Variants in TBC1D16 observed in about 807,000 individuals in gnomAD.
The protein encoded by TBC1D16 is CTD-2529O21.1.
A neutral mutation model predicts 74.7 loss-of-function variants in TBC1D16; 58 were observed. That is an observed-to-expected ratio of 0.78 (90% CI 0.63 to 0.97). The LOEUF (loss-of-function observed/expected upper bound fraction) is 0.97, where lower values mean the gene tolerates loss of function less well. Ranked by LOEUF, TBC1D16 falls within the 50% of genes least tolerant of loss-of-function variation. TBC1D16 has a pLI of 0.00. For missense variants in TBC1D16, 1,014 were observed against 1,079.5 expected, an observed-to-expected ratio of 0.94 and a Z score of 0.85; for synonymous variants, 493 against 474.7, an observed-to-expected ratio of 1.04 and a Z score of -0.50.
At chr17:79,957,111 G>T (rs950035127) in intron 3 of TBC1D16, among the ~76,000 whole-genome samples, 1 of 152,214 alleles carries the variant, frequency 6.6e-6, no homozygotes, top group African/African-American at 2.4e-5. Flanking sequence ...TGCCCTGTAG[G>T]GTGGGTGGGA....
At chr17:79,952,447 C>T (rs145667157) in intron 4 of TBC1D16, among the ~76,000 whole-genome samples, 5 of 152,350 alleles carry the variant, frequency 3.3e-5, no homozygotes, top group East Asian at 3.9e-4. Flanking sequence ...GGAGTGAGTT[C>T]GGTAGCTCAC....
chr17:79,982,928 AATAAT>A, intron 3 of TBC1D16, among the ~76,000 whole-genome samples: 1 of 152,298 alleles, frequency 6.6e-6, no homozygotes, highest in Non-Finnish European at 1.5e-5. Context: ...TTGTAAAATA[AATAAT>A]ATGACATTGA....
intron 4 of TBC1D16, among the ~76,000 whole-genome samples, chr17:79,952,434 A>G (rs1205847882): frequency 6.6e-6 from 1 of 152,236 alleles, no homozygotes; most frequent in African/African-American, 2.4e-5. Context: ...CGCTGAAGGT[A>G]GGGGAGTGAG....
chr17:79,963,842 T>G (rs1469410767), intron 3 of TBC1D16, among the ~76,000 whole-genome samples: 1 of 152,232 alleles, frequency 6.6e-6, no homozygotes, highest in African/African-American at 2.4e-5. Context: ...TGATATTGAG[T>G]ACCTTCATGT....
chr17:80,022,530 G>GAGTTC (rs2036321236), intron 1 of TBC1D16, among the ~76,000 whole-genome samples: 1 of 149,202 alleles, frequency 6.7e-6, no homozygotes, highest in South Asian at 2.1e-4. Context: ...GTAGACACCA[G>GAGTTC]AGTTCACCAC....
intron 1 of TBC1D16, among the ~76,000 whole-genome samples, chr17:80,029,984 C>A (rs1256084738): frequency 6.6e-6 from 1 of 152,060 alleles, no homozygotes; most frequent in Non-Finnish European, 1.5e-5. Flanking sequence ...AGTGGCCGAT[C>A]GAGTCCTTCT....
chr17:80,024,952 A>ATG (rs2143266700), intron 1 of TBC1D16, among the ~76,000 whole-genome samples: 2 of 143,096 alleles, frequency 1.4e-5, no homozygotes, highest in African/African-American at 2.8e-5. Context: ...CACACCATAG[A>ATG]CACACCACAC....
At position 79,940,931 on chromosome 17, in the gene TBC1D16, A is replaced by C; in HGVS notation, c.2232T>G (p.Pro744=). ...TGCCTTCCCTCAGGGACTTGGGGGA[A>C]GGCATCTCCACCGTGCCCCCGTAGG... ...SCPYGGTVEM[P]SPKSLREGKK... The change falls in exon 12 of 12, where the codon CCT becomes CCG. Residue 744 remains proline (P), a synonymous_variant. Transcript: ENST00000310924. The surrounding 1 kb of genome is among the most constrained non-coding windows in gnomAD (Gnocchi z 5.4). 6.3e-7 allele frequency: 1 copy of C among 1,594,748 alleles called. No homozygotes were observed. The highest frequency in any genetic ancestry group is 8.6e-7 in the Non-Finnish European group (1 of 1,169,000).
chr17:79,974,156 A>G lies in TBC1D16; in HGVS notation c.780-21338T>C, dbSNP rs560918872. On this transcript the variant is annotated intron_variant, in intron 3 of 11. Coordinates refer to ENST00000310924, the MANE Select transcript of TBC1D16 (RefSeq NM_019020.4). The stretch of plus-strand genomic sequence containing the variant: ...CAGACAGCTGGCGGGATGGAGGGGG[A>G]GGGTAGGAGACTTCATTACTCTACC... Among the ~76,000 whole-genome samples the G allele has an allele frequency of 1.4e-4, 21 of 152,292 alleles. No individual in the cohort carries two copies. The South Asian group carries it at 4.4e-3, about 32-fold the overall frequency.
At chr17:79,996,867 A>G (rs1029547604) in intron 3 of TBC1D16, among the ~76,000 whole-genome samples, 42 of 152,340 alleles carry the variant, frequency 2.8e-4, no homozygotes, top group African/African-American at 9.9e-4. Flanking sequence ...TAGTAGCTTT[A>G]TTCACAGTCG....
intron 3 of TBC1D16, among the ~76,000 whole-genome samples, chr17:79,974,270 C>CG (rs1186310456): frequency 3.3e-5 from 5 of 152,064 alleles, no homozygotes; most frequent in Non-Finnish European, 5.9e-5. Flanking sequence ...GACGGAGTCT[C>CG]ATCTGTTGCC....
intron 3 of TBC1D16, among the ~76,000 whole-genome samples, chr17:79,968,958 C>T (rs2033960922): frequency 6.7e-6 from 1 of 149,916 alleles, no homozygotes; most frequent in South Asian, 2.1e-4. Context: ...TTTAAAAACA[C>T]TTAAGATGTA....
intron 6 of TBC1D16, 57 bp from the exon 7 acceptor site, chr17:79,949,922 CCAA>C: frequency 6.3e-7 from 1 of 1,576,560 alleles, no homozygotes; most frequent in Non-Finnish European, 8.6e-7. Flanking sequence ...CAAAGAACCC[CCAA>C]ATCCCCAGAG....
At position 79,963,914 on chromosome 17, in the gene TBC1D16, T is replaced by C. The variant is rs140057115; in HGVS notation, c.780-11096A>G. On this transcript the variant is annotated intron_variant, in intron 3 of 11. Transcript: ENST00000310924. ...GTCTTTTCAAATCCTTTGACCATTT[T>C]TGAATTGGGTTGTTTGGGGTTTGTT... 1.9e-3 allele frequency among the ~76,000 whole-genome samples: 290 copies of C among 152,310 alleles called. 1 individual carries two copies. Among genetic ancestry groups the C allele is most frequent in the African/African-American group, 6.6e-3 (274 of 41,570 alleles).
At chr17:80,034,864 T>TAAGA (rs2036902922) in intron 1 of TBC1D16, among the ~76,000 whole-genome samples, 1 of 152,216 alleles carries the variant, frequency 6.6e-6, no homozygotes, top group Non-Finnish European at 1.5e-5. Flanking sequence ...TGAGCATCTT[T>TAAGA]AAGACGGAGT....
intron 9 of TBC1D16, 65 bp from the exon 10 acceptor site, chr17:79,945,152 C>A: frequency 6.8e-7 from 1 of 1,480,432 alleles, no homozygotes; most frequent in African/African-American, 1.4e-5. Flanking sequence ...CCAGGAAGCC[C>A]ACTCCCACTG....
rs1055955816 is a variant in TBC1D16, at chr17:79,979,506, G to C, written c.780-26688C>G. On this transcript the variant is annotated intron_variant, in intron 3 of 11. Coordinates refer to ENST00000310924, the MANE Select transcript of TBC1D16 (RefSeq NM_019020.4). This position sits in a 1 kb window ranked among gnomAD's most constrained non-coding sequence, Gnocchi z 4.8. Reference sequence around the variant, plus strand: ...CGCATAGCTGCAAATGCATCTGGGCGTGAAGACGTCCCTGTGTCATCTCTG... The same window carrying C: ...CGCATAGCTGCAAATGCATCTGGGCCTGAAGACGTCCCTGTGTCATCTCTG... Among the ~76,000 whole-genome samples the C allele has an allele frequency of 6.6e-6, 1 of 152,186 alleles. No individual in the cohort carries two copies. Among genetic ancestry groups the C allele is most frequent in the African/African-American group, 2.4e-5 (1 of 41,456 alleles).
At position 79,952,911 on chromosome 17, in the gene TBC1D16, A is replaced by G. The variant is rs907207533; in HGVS notation, c.780-93T>C. 4.8e-6 allele frequency: 7 copies of G among 1,453,534 alleles called. No homozygotes were observed. The Admixed American group carries it at 8.1e-5, about 17-fold the overall frequency. 90.0% of individuals were successfully genotyped at this position (1,453,534 alleles called of 1,614,324 possible). On this transcript the variant is annotated intron_variant, in intron 3 of 11. Transcript: ENST00000310924. ...GGTCATGGGGGAGTCATTTAAACCT[A>G]CGCACCAAGCTTAAACACACATACA...
intron 3 of TBC1D16, among the ~76,000 whole-genome samples, chr17:80,006,340 C>T (rs371217236): frequency 7.2e-5 from 11 of 152,166 alleles, no homozygotes; most frequent in African/African-American, 2.7e-4. Flanking sequence ...GCCACCCCAG[C>T]GATCCTAGTT....
Sources: gnomAD v4.1 joint callset for allele counts (sites outside exome capture counted in the v4.1 genomes callset) on GRCh38, gnomAD v4.1.1 for gene constraint, Gnocchi (gnomAD v3.1) non-coding constraint, MANE v1.5 for transcripts, NCBI Gene and HGNC (gene_info 2026-07-23, HGNC 2026-07-21) for gene names.